The following DESI2 variants were observed in gnomAD, a reference collection of about 807,000 sequenced individuals.
The protein encoded by DESI2 is desumoylating isopeptidase 2.
Under a neutral mutation model 24.1 loss-of-function variants are expected in DESI2, and 10 were observed. That is an observed-to-expected ratio of 0.41 (90% confidence interval 0.26 to 0.70). DESI2 has a LOEUF of 0.70. Among genes scored for constraint, DESI2 ranks in the 30% least tolerant of loss-of-function variants. The pLI, the probability that DESI2 is intolerant of heterozygous loss-of-function variation, is 0.29. For missense variants in DESI2, 122 were observed against 234.9 expected (o/e 0.52, Z 3.14); for synonymous variants, 71 against 87.7 (o/e 0.81, Z 1.06).
chr1:244,657,883 A>T (rs2148778751), intron 1 of DESI2, among the ~76,000 whole-genome samples: 2 of 152,332 alleles, frequency 1.3e-5, no homozygotes, highest in Non-Finnish European at 2.9e-5. Flanking sequence ...CCTTCCCCGA[A>T]GAGATTATCT....
chr1:244,694,595 GC>G lies in DESI2; in HGVS notation c.351+2576del, dbSNP rs1430609202. 3.5e-6 allele frequency: 3 copies of G among 845,958 alleles called. No homozygotes were observed. In the African/African-American group the frequency reaches 5.0e-5, roughly 14 times the overall value. 52.4% of individuals were successfully genotyped at this position (845,958 alleles called of 1,614,324 possible). On this transcript the variant is annotated intron_variant, in intron 4 of 4. Coordinates refer to ENST00000302550, the MANE Select transcript of DESI2 (RefSeq NM_016076.5). ...TGGCACTGCCGTTATACTTTCTCTT[GC>G]GCTTGGCGGGGTAGCCACATTTGCC...
rs1185263267 is a variant in DESI2, at chr1:244,662,943, G to C, written c.42+9588G>C. Among the ~76,000 whole-genome samples, 7 of 152,154 alleles carry C rather than the reference G, an allele frequency of 4.6e-5. No individual in the cohort carries two copies. The East Asian group carries it at 5.8e-4, about 13-fold the overall frequency. On this transcript the variant is annotated intron_variant, in intron 1 of 4. Coordinates refer to ENST00000302550, the MANE Select transcript of DESI2 (RefSeq NM_016076.5). ...CTCAGGTAGATTCAGTAGGATCATT[G>C]AAAATAGAACAAGCAGTACCACCAG...
chr1:244,654,851 C>G (rs1675592014), intron 1 of DESI2, among the ~76,000 whole-genome samples: 1 of 152,178 alleles, frequency 6.6e-6, no homozygotes, highest in South Asian at 2.1e-4. Flanking sequence ...TACTGTCTTT[C>G]AGAATATATT....
intron 1 of DESI2, among the ~76,000 whole-genome samples, chr1:244,671,416 C>G (rs1371692326): frequency 6.6e-6 from 1 of 152,174 alleles, no homozygotes; most frequent in East Asian, 1.9e-4. Flanking sequence ...TTATATGTAA[C>G]TCTTCATCCC....
rs79855653 is a variant in DESI2, at chr1:244,706,912, T to G, written c.*1123T>G. 1.5e-3 allele frequency: 224 copies of G among 152,758 alleles called. No individual in the cohort carries two copies. Among genetic ancestry groups the G allele is most frequent in the African/African-American group, 5.1e-3 (210 of 41,580 alleles). The allele number at this position is 152,758 out of a possible 1,614,324, so 9.5% of individuals were successfully genotyped here. On this transcript the variant is annotated 3_prime_UTR_variant, in exon 5 of 5. Coordinates refer to ENST00000302550, the MANE Select transcript of DESI2 (RefSeq NM_016076.5). ...ATTTGTGTGTCTTAAGATTCATATT[T>G]ATATGTTCTCTCAAATGTATGTCTC...
intron 1 of DESI2, among the ~76,000 whole-genome samples, chr1:244,658,332 G>A (rs1410539522): frequency 6.6e-6 from 1 of 152,148 alleles, no homozygotes; most frequent in African/African-American, 2.4e-5. Flanking sequence ...TGTCCAAACA[G>A]GCTATATCAC....
At chr1:244,655,369 G>A (rs532625216) in intron 1 of DESI2, among the ~76,000 whole-genome samples, 1 of 152,338 alleles carries the variant, frequency 6.6e-6, no homozygotes, top group South Asian at 2.1e-4. Context: ...AACAGGAGAT[G>A]AAGCATATGA....
rs77119340 is a variant in DESI2 at position 244,678,211 on chromosome 1, C to A, written c.43-8386C>A. Among the ~76,000 whole-genome samples, 604 of 152,300 alleles carry A rather than the reference C, an allele frequency of 4.0e-3. 2 individuals carry two copies. Among genetic ancestry groups the A allele is most frequent in the African/African-American group, 0.013 (560 of 41,556 alleles). On this transcript the variant is annotated intron_variant, in intron 1 of 4. Transcript: ENST00000302550. Reference sequence around the variant, plus strand: ...ACATCTCATTATAGTGAATTCCAAACTACTGACCACATTTGTGGATGGAAT... The same window carrying A: ...ACATCTCATTATAGTGAATTCCAAAATACTGACCACATTTGTGGATGGAAT...
intron 1 of DESI2, among the ~76,000 whole-genome samples, chr1:244,685,133 T>C (rs1415262762): frequency 6.6e-6 from 1 of 152,198 alleles, no homozygotes; most frequent in African/African-American, 2.4e-5. Context: ...CTTGTTTTTA[T>C]GTAGTTTTAT....
chr1:244,679,868 CAA>C (rs10543739), intron 1 of DESI2, among the ~76,000 whole-genome samples: 25 of 80,630 alleles, frequency 3.1e-4, no homozygotes, highest in African/African-American at 1.1e-3. Context: ...GACTCTATCT[CAA>C]AAAAAAAAAA....
At chr1:244,687,811 C>G (rs899532026) in intron 2 of DESI2, among the ~76,000 whole-genome samples, 2 of 152,134 alleles carry the variant, frequency 1.3e-5, no homozygotes, top group African/African-American at 2.4e-5. Flanking sequence ...GGATCATAGT[C>G]TGTGGGGTTA....
At position 244,705,896 on chromosome 1, in the gene DESI2, TC is replaced by T; in HGVS notation, c.*112del. 1 of 762,634 alleles carries T rather than the reference TC, an allele frequency of 1.3e-6. No homozygotes were observed. The highest frequency in any genetic ancestry group is 2.1e-6 in the Non-Finnish European group (1 of 484,368). The allele number at this position is 762,634 out of a possible 1,614,324, so 47.2% of individuals were successfully genotyped here. A position where few individuals can be genotyped will look rare whatever the true frequency, so the allele number is the denominator to read the frequency against. On this transcript the variant is annotated 3_prime_UTR_variant, in exon 5 of 5. Transcript: ENST00000302550. ...GATATTTTGTATGCAAAGATGGCTC[TC>T]CCCCAAATCCCAGTTTTTCAGCTCA...
At chr1:244,703,667 T>C (rs1677570209) in intron 4 of DESI2, among the ~76,000 whole-genome samples, 1 of 151,836 alleles carries the variant, frequency 6.6e-6, no homozygotes, top group Admixed American at 6.6e-5. Context: ...ACACTTTTTT[T>C]TTTTTTTTTG....
Position 244,689,202 on chromosome 1 carries a change from A to T in DESI2, c.116-47A>T, listed in dbSNP as rs1170458742. On this transcript the variant is annotated intron_variant, in intron 2 of 4. Transcript: ENST00000302550. The surrounding 1 kb of genome is among the most constrained non-coding windows in gnomAD (Gnocchi z 4.0). Reference sequence around the variant, plus strand: ...TTAAAGCTAATTCAGCATTCTGGTTAAATTTTATGTGATACATACTAAAAA... The same window carrying T: ...TTAAAGCTAATTCAGCATTCTGGTTTAATTTTATGTGATACATACTAAAAA... 1.1e-6 allele frequency: 1 copy of T among 940,136 alleles called. No individual in the cohort carries two copies. Among genetic ancestry groups the T allele is most frequent in the South Asian group, 1.4e-5 (1 of 72,324 alleles). 58.2% of individuals were successfully genotyped at this position (940,136 alleles called of 1,614,324 possible).
intron 1 of DESI2, among the ~76,000 whole-genome samples, chr1:244,685,035 C>G (rs1676766602): frequency 6.6e-6 from 1 of 152,166 alleles, no homozygotes; most frequent in Non-Finnish European, 1.5e-5. Flanking sequence ...TCAAAAAATT[C>G]CGATCAAGAG....
At chr1:244,662,506 A>G (rs371593012) in intron 1 of DESI2, among the ~76,000 whole-genome samples, 14 of 152,292 alleles carry the variant, frequency 9.2e-5, no homozygotes, top group Admixed American at 1.3e-4. Context: ...CTCCACCCCC[A>G]TTGATGAAAA....
chr1:244,694,047 C>T (rs924265892), intron 4 of DESI2, among the ~76,000 whole-genome samples: 5 of 152,200 alleles, frequency 3.3e-5, no homozygotes, highest in East Asian at 3.9e-4. Context: ...AGTGTGGGGA[C>T]GTATGTCATA....
chr1:244,694,182 C>T (rs1573223043), intron 4 of DESI2, among the ~76,000 whole-genome samples: 2 of 152,138 alleles, frequency 1.3e-5, no homozygotes, highest in Non-Finnish European at 2.9e-5. Context: ...TTATCAGTTC[C>T]GATGCTTCCT....
chr1:244,653,411 C>G (rs1484434978), intron 1 of DESI2, 56 bp downstream of exon 1: 2 of 1,516,598 alleles, frequency 1.3e-6, no homozygotes, highest in Non-Finnish European at 8.8e-7. Flanking sequence ...TCCTCTCGCC[C>G]GTGGGGCTCG....
Sources: gnomAD v4.1 joint callset for allele counts (sites outside exome capture counted in the v4.1 genomes callset) on GRCh38, gnomAD v4.1.1 for gene constraint, Gnocchi (gnomAD v3.1) non-coding constraint, MANE v1.5 for transcripts, NCBI Gene and HGNC (gene_info 2026-07-23, HGNC 2026-07-21) for gene names.